The following SEPTIN2 variants were observed in gnomAD, a reference collection of about 807,000 sequenced individuals.
The protein encoded by SEPTIN2 is septin 2.
SEPTIN2 carries 34 observed loss-of-function variants against 46.5 expected under a neutral mutation model. The ratio of observed to expected loss-of-function variants is 0.73; its 90% CI spans 0.56 to 0.97. The LOEUF is 0.97. Ranked by LOEUF, SEPTIN2 falls within the 50% of genes least tolerant of loss-of-function variation. The pLI is 0.00. For missense variants in SEPTIN2, 347 were observed against 448.4 expected (o/e 0.77, Z 2.04); for synonymous variants, 175 against 153.4 (o/e 1.14, Z -1.04).
rs765568943 is a variant in SEPTIN2, at chr2:241,346,211, T to A, written c.888T>A (p.Tyr296Ter). The change falls in exon 10 of 13, where the codon TAT becomes TAA. Residue 296 changes from tyrosine (Y) to a stop codon, truncating the protein, a stop_gained. Transcript: ENST00000391971. LOFTEE classifies it high-confidence loss of function. Reference protein sequence around the residue: ...DLQEVTQDLHYENFRSERLKR... With the variant: ...DLQEVTQDLH ...AGGAGGTGACCCAGGACCTTCATTA[T>A]GAAAACTTCCGTTCTGAGAGACTCA... The A allele has an allele frequency of 6.2e-7, 1 of 1,614,024 alleles. No individual in the cohort carries two copies.
At chr2:241,322,894 G>A (rs2077351653) in intron 1 of SEPTIN2, among the ~76,000 whole-genome samples, 3 of 152,044 alleles carry the variant, frequency 2.0e-5, no homozygotes, top group Non-Finnish European at 2.9e-5. Flanking sequence ...AGGGAAGTAT[G>A]TATCCGTGTG....
At chr2:241,337,300 G>T (rs746976307) in intron 5 of SEPTIN2, 82 bp from the exon 6 acceptor site, 12 of 1,163,522 alleles carry the variant, frequency 1.0e-5, no homozygotes, top group Non-Finnish European at 1.2e-6. Context: ...ATATTTGGGC[G>T]GAGGCACTTG....
At chr2:241,324,002 T>C (rs2077539261) in intron 1 of SEPTIN2, among the ~76,000 whole-genome samples, 1 of 152,208 alleles carries the variant, frequency 6.6e-6, no homozygotes, top group Non-Finnish European at 1.5e-5. Context: ...TCAGAAAGAA[T>C]AAAAGTAGTG....
intron 1 of SEPTIN2, chr2:241,317,500 A>G (rs2149797084): frequency 1.0e-6 from 1 of 982,338 alleles, no homozygotes; most frequent in African/African-American, 1.7e-5. Context: ...CAATACCAGC[A>G]TACAGAAACT....
chr2:241,316,538 A>G, intron 1 of SEPTIN2: 1 of 1,521,236 alleles, frequency 6.6e-7, no homozygotes, highest in Non-Finnish European at 8.8e-7. Context: ...AGAGGCGACG[A>G]AGGTCTGCAC....
At chr2:241,345,946 G>A (rs1559664037) in intron 9 of SEPTIN2, among the ~76,000 whole-genome samples, 1 of 152,180 alleles carries the variant, frequency 6.6e-6, no homozygotes, top group African/African-American at 2.4e-5. Flanking sequence ...GTCGAGACCT[G>A]TGTTTGTATA....
intron 3 of SEPTIN2, 149 bp from the exon 4 acceptor site, chr2:241,334,977 T>A: frequency 3.3e-6 from 2 of 607,384 alleles, no homozygotes; most frequent in Non-Finnish European, 5.8e-6. Context: ...TCAAAGATCA[T>A]ACTGCAAACA....
At chr2:241,349,392 A>G (rs2060577793) in intron 11 of SEPTIN2, among the ~76,000 whole-genome samples, 1 of 150,272 alleles carries the variant, frequency 6.7e-6, no homozygotes, top group Non-Finnish European at 1.5e-5. Context: ...AAATATATAT[A>G]TATGTATATG....
intron 1 of SEPTIN2, chr2:241,316,892 C>T: frequency 5.0e-6 from 1 of 200,962 alleles, no homozygotes. Flanking sequence ...TTGTGGGATT[C>T]CGCCCAAATT....
intron 3 of SEPTIN2, among the ~76,000 whole-genome samples, chr2:241,333,705 A>G (rs970946361): frequency 1.3e-4 from 20 of 151,746 alleles, no homozygotes; most frequent in African/African-American, 4.6e-4. Flanking sequence ...GGGTTTCACC[A>G]TGTTAGCCAG....
At chr2:241,324,402 T>A in intron 2 of SEPTIN2, 161 bp downstream of exon 2, 2 of 606,820 alleles carry the variant, frequency 3.3e-6, no homozygotes, top group South Asian at 2.0e-5. Context: ...TTTTTTTTTT[T>A]TTTGAGACGG....
intron 9 of SEPTIN2, among the ~76,000 whole-genome samples, chr2:241,344,264 T>A (rs567846761): frequency 6.6e-6 from 1 of 152,180 alleles, no homozygotes; most frequent in Non-Finnish European, 1.5e-5. Flanking sequence ...AGGCCCCTGG[T>A]CCACTGCTCC....
At chr2:241,335,407 T>G in intron 4 of SEPTIN2, 195 bp downstream of exon 4, 1 of 1,445,854 alleles carries the variant, frequency 6.9e-7, no homozygotes, top group South Asian at 1.2e-5. Flanking sequence ...CTTTGACACG[T>G]ATCCATGGAT....
rs2079849409 is a variant in SEPTIN2, at chr2:241,335,729, TC to T, written c.218-243del. 2.2e-5 allele frequency: 13 copies of T among 578,376 alleles called. 1 individual carries two copies. Among genetic ancestry groups the T allele is most frequent in the South Asian group, 4.4e-5 (2 of 45,270 alleles). The allele number at this position is 578,376 out of a possible 1,614,324, so 35.8% of individuals were successfully genotyped here. On this transcript the variant is annotated intron_variant, in intron 4 of 12. Transcript: ENST00000391971. ...ATGAATTCGTAAATTGCTTTCTTTT[TC>T]CCAGGAACAGAAATTATAATTTTTA...
At chr2:241,351,936 A>G in intron 12 of SEPTIN2, 31 bp from the exon 13 acceptor site, 1 of 152,534 alleles carries the variant, frequency 6.6e-6, no homozygotes, top group East Asian at 1.9e-4. Flanking sequence ...CCTCACTCCC[A>G]CTTAAGTGTG....
chr2:241,337,547 T>G, intron 6 of SEPTIN2, 31 bp downstream of exon 6: 1 of 1,610,898 alleles, frequency 6.2e-7, no homozygotes, highest in Non-Finnish European at 8.5e-7. Context: ...GAGAAATGCT[T>G]TACTACATGG....
Position 241,333,366 on chromosome 2 carries a change from G to A in SEPTIN2, c.131-1760G>A, listed in dbSNP as rs560986935. On this transcript the variant is annotated intron_variant, in intron 3 of 12. Transcript: ENST00000391971. ...TTGCACCACCGTTTATTAAAAGGATGACTTAATGGGATAACAGGCATTTAG... is the reference window on the plus strand; with the variant it reads ...TTGCACCACCGTTTATTAAAAGGATAACTTAATGGGATAACAGGCATTTAG... 3.8e-4 allele frequency among the ~76,000 whole-genome samples: 58 copies of A among 152,294 alleles called. 1 individual carries two copies. The South Asian group carries it at 0.011, about 28-fold the overall frequency.
At chr2:241,350,295 T>C in intron 12 of SEPTIN2, 92 bp downstream of exon 12, 1 of 636,742 alleles carries the variant, frequency 1.6e-6, no homozygotes, top group Non-Finnish European at 2.4e-6. Flanking sequence ...GCCTCATTAA[T>C]ATTTTGCATT....
chr2:241,350,008 C>A, intron 11 of SEPTIN2, 65 bp from the exon 12 acceptor site: 2 of 1,490,812 alleles, frequency 1.3e-6, no homozygotes, highest in South Asian at 1.2e-5. Flanking sequence ...AATCACAGAA[C>A]ACCCAGAAAT....
Sources: gnomAD v4.1 joint callset for allele counts (sites outside exome capture counted in the v4.1 genomes callset) on GRCh38, gnomAD v4.1.1 for gene constraint, MANE v1.5 for transcripts, NCBI Gene and HGNC (gene_info 2026-07-23, HGNC 2026-07-21) for gene names.